The following TMEM44 variants were observed in gnomAD, a reference collection of about 807,000 sequenced individuals.
TMEM44 encodes transmembrane protein 44.
TMEM44 carries 43 observed loss-of-function variants against 47.8 expected under a neutral mutation model. The observed-to-expected ratio is 0.90, with a 90% CI of 0.70 to 1.16. The LOEUF is 1.16. TMEM44 is among the 50% of genes most tolerant of loss of function. The pLI is 0.00. For synonymous variants in TMEM44, 277 were observed against 238.8 expected, an observed-to-expected ratio of 1.16 and a Z score of -1.48; for missense variants, 568 against 555.2, an observed-to-expected ratio of 1.02 and a Z score of -0.23.
At chr3:194,608,267 C>A (rs1714968083) in intron 8 of TMEM44, among the ~76,000 whole-genome samples, 1 of 152,202 alleles carries the variant, frequency 6.6e-6, no homozygotes, top group Admixed American at 6.5e-5. Context: ...TCTGTGCACC[C>A]AGTATACAAG....
chr3:194,615,543 A>G (rs1245947160), intron 7 of TMEM44, 26 bp downstream of exon 7: 1 of 1,610,976 alleles, frequency 6.2e-7, no homozygotes, highest in Non-Finnish European at 8.5e-7. Context: ...TTTTCCAGCC[A>G]GAGAGACCTT....
At chr3:194,598,000 T>C (rs1250583050) in intron 9 of TMEM44, among the ~76,000 whole-genome samples, 1 of 152,214 alleles carries the variant, frequency 6.6e-6, no homozygotes, top group East Asian at 1.9e-4. Context: ...TCGGATGGCT[T>C]TGCCAGGAGT....
chr3:194,588,337 G>C lies in TMEM44; in HGVS notation c.*192C>G, dbSNP rs374239934. 1.9e-5 allele frequency: 11 copies of C among 581,048 alleles called. No individual in the cohort carries two copies. The African/African-American group carries it at 2.1e-4, about 11-fold the overall frequency. 36.0% of individuals were successfully genotyped at this position (581,048 alleles called of 1,614,324 possible). The stretch of plus-strand genomic sequence containing the variant: ...ATGCTGGGCCTATCCAGGTCTGTCC[G>C]CAGTACCCAAAGTCGTAGCTCCGTG... On this transcript the variant is annotated 3_prime_UTR_variant, in exon 10 of 10. Coordinates refer to ENST00000347147, the MANE Select transcript of TMEM44 (RefSeq NM_001011655.3).
chr3:194,633,060 C>CCT lies in TMEM44; in HGVS notation c.137+18_137+19insAG. 1 of 1,546,796 alleles carries CCT rather than the reference C, an allele frequency of 6.5e-7. No homozygotes were observed. Among genetic ancestry groups the CCT allele is most frequent in the Non-Finnish European group, 8.7e-7 (1 of 1,145,724 alleles). The stretch of plus-strand genomic sequence containing the variant: ...CCCGTTTCCCCGCCCGACAGCCCCC[C>CCT]GACCCGTGGCCCCATTACAGCGCGT... On this transcript the variant is annotated intron_variant, in intron 1 of 9. Transcript: ENST00000347147.
intron 9 of TMEM44, among the ~76,000 whole-genome samples, chr3:194,602,758 G>C (rs1577170806): frequency 6.6e-6 from 1 of 152,158 alleles, no homozygotes; most frequent in Admixed American, 6.5e-5. Flanking sequence ...GTGTGAGGCC[G>C]GGCAGGCTGT....
intron 9 of TMEM44, among the ~76,000 whole-genome samples, chr3:194,591,998 C>CATG (rs1343252747): frequency 3.3e-5 from 5 of 152,090 alleles, no homozygotes; most frequent in Non-Finnish European, 7.4e-5. Flanking sequence ...GCGGGTGGAT[C>CATG]ATGAGGTCAG....
chr3:194,599,120 C>T (rs770975027), intron 9 of TMEM44, among the ~76,000 whole-genome samples: 7 of 152,180 alleles, frequency 4.6e-5, no homozygotes, highest in South Asian at 4.1e-4. Flanking sequence ...AAAGAAGTCA[C>T]GAACCAGAGG....
At chr3:194,607,902 T>C (rs1455875613) in intron 8 of TMEM44, among the ~76,000 whole-genome samples, 1 of 152,060 alleles carries the variant, frequency 6.6e-6, no homozygotes, top group Non-Finnish European at 1.5e-5. Context: ...AGGAAAAAGC[T>C]GGGTGGAAGC....
At chr3:194,613,245 C>T (rs1216482759) in intron 7 of TMEM44, among the ~76,000 whole-genome samples, 1 of 151,652 alleles carries the variant, frequency 6.6e-6, no homozygotes, top group Non-Finnish European at 1.5e-5. Context: ...TGGCACGATC[C>T]CGGCTCACTG....
At chr3:194,594,881 A>C (rs1293323070) in intron 9 of TMEM44, among the ~76,000 whole-genome samples, 1 of 152,216 alleles carries the variant, frequency 6.6e-6, no homozygotes, top group Non-Finnish European at 1.5e-5. Context: ...ATTTAGGAAG[A>C]GCGCCCTCTA....
chr3:194,589,547 G>A (rs1197180222), intron 9 of TMEM44: 2 of 149,662 alleles, frequency 1.3e-5, no homozygotes, highest in African/African-American at 5.0e-5. Flanking sequence ...CTAAACCTGA[G>A]GCTCAGCCGA....
Position 194,606,499 on chromosome 3 carries a change from C to G in TMEM44, c.1018-2054G>C, listed in dbSNP as rs1714790915. On this transcript the variant is annotated intron_variant, in intron 8 of 9. Coordinates refer to ENST00000347147, the MANE Select transcript of TMEM44 (RefSeq NM_001011655.3). ...AGCGGCAGCACAGAGAGCATATTCT[C>G]TTCATAAAAGCCCAGGTCCCTGAAT... Among the ~76,000 whole-genome samples the G allele has an allele frequency of 2.6e-5, 4 of 152,178 alleles. No individual in the cohort carries two copies. In the South Asian group the frequency reaches 8.3e-4, roughly 31 times the overall value.
chr3:194,619,326 T>C (rs1716279383), intron 5 of TMEM44, among the ~76,000 whole-genome samples: 2 of 152,236 alleles, frequency 1.3e-5, no homozygotes, highest in African/African-American at 4.8e-5. Flanking sequence ...AATCACGGCT[T>C]GAAGAACGGA....
rs549558683 is a variant in TMEM44, at chr3:194,633,290, C to T, written c.-75G>A. 5.0e-5 allele frequency: 35 copies of T among 699,198 alleles called. No homozygotes were observed. The East Asian group carries it at 4.0e-3, about 80-fold the overall frequency. The allele number at this position is 699,198 out of a possible 1,614,324, so 43.3% of individuals were successfully genotyped here. A position where few individuals can be genotyped will look rare whatever the true frequency, so the allele number is the denominator to read the frequency against. On this transcript the variant is annotated 5_prime_UTR_variant, in exon 1 of 10. Transcript: ENST00000347147. ...CTCGCCGCGGGCAAGCCCCGAGCGCCGCCGCCCCGCGTGCCCTTCTCTGGG... is the reference window on the plus strand; with the variant it reads ...CTCGCCGCGGGCAAGCCCCGAGCGCTGCCGCCCCGCGTGCCCTTCTCTGGG...
intron 5 of TMEM44, among the ~76,000 whole-genome samples, chr3:194,618,472 CTA>C (rs1716180741): frequency 6.8e-6 from 1 of 147,678 alleles, no homozygotes; most frequent in South Asian, 2.1e-4. Context: ...TATATATAAA[CTA>C]AATTATAATT....
chr3:194,609,755 C>G (rs1715122423), intron 8 of TMEM44, among the ~76,000 whole-genome samples: 1 of 152,098 alleles, frequency 6.6e-6, no homozygotes, highest in Non-Finnish European at 1.5e-5. Context: ...TCCGTCTGCT[C>G]CAACCTCAGT....
intron 9 of TMEM44, among the ~76,000 whole-genome samples, chr3:194,601,956 C>T (rs1377937384): frequency 1.3e-5 from 2 of 152,164 alleles, no homozygotes; most frequent in African/African-American, 2.4e-5. Flanking sequence ...GTTGCTTCTC[C>T]CTCCCCGTCG....
intron 9 of TMEM44, chr3:194,589,767 C>A (rs552353461): frequency 6.6e-6 from 1 of 152,202 alleles, no homozygotes; most frequent in South Asian, 2.1e-4. Context: ...CTTGGTGTTA[C>A]CTTTGAGGTT....
chr3:194,632,901 T>C (rs1717967188), intron 1 of TMEM44, 178 bp downstream of exon 1: 1 of 1,070,356 alleles, frequency 9.3e-7, no homozygotes, highest in South Asian at 1.7e-5. Context: ...TCCCTGTGCG[T>C]GGGATCCGGA....
Sources: gnomAD v4.1 joint callset for allele counts (sites outside exome capture counted in the v4.1 genomes callset) on GRCh38, gnomAD v4.1.1 for gene constraint, MANE v1.5 for transcripts, NCBI Gene and HGNC (gene_info 2026-07-23, HGNC 2026-07-21) for gene names.